Variants in ZNF670 observed in about 807,000 individuals in gnomAD.
ZNF670 encodes zinc finger protein 670.
In ZNF670, 7 loss-of-function variants were observed where a neutral mutation model predicts 10.9. The ratio of observed to expected loss-of-function variants is 0.64; its 90% CI spans 0.36 to 1.20. The LOEUF is 1.20. Ranked by LOEUF, ZNF670 falls within the 50% of genes most tolerant of loss-of-function variation. ZNF670 has a pLI of 0.02. For missense variants in ZNF670, 446 were observed against 458.6 expected, an observed-to-expected ratio of 0.97 and a Z score of 0.25; for synonymous variants, 136 against 152.7, an observed-to-expected ratio of 0.89 and a Z score of 0.81.
chr1:247,041,079 G>C (rs974701843), intron 1 of ZNF670, among the ~76,000 whole-genome samples: 6 of 152,154 alleles, frequency 3.9e-5, no homozygotes, highest in African/African-American at 1.4e-4. Context: ...ACATACAGTA[G>C]AGCAAATTGG....
At chr1:247,054,089 G>A (rs1670662119) in intron 1 of ZNF670, among the ~76,000 whole-genome samples, 1 of 152,208 alleles carries the variant, frequency 6.6e-6, no homozygotes, top group Admixed American at 6.5e-5. Context: ...ACACCAGGCA[G>A]AACTCAGCTA....
In ZNF670 at chr1:247,068,319, C is replaced by CAAAAAAAAAAAAAAAAAAAAAAAA. The variant is rs74163724; in HGVS notation, c.3+10274_3+10275insTTTTTTTTTTTTTTTTTTTTTTTT. 1.5e-3 allele frequency among the ~76,000 whole-genome samples: 83 copies of CAAAAAAAAAAAAAAAAAAAAAAAA among 55,190 alleles called. 1 individual carries two copies. Among genetic ancestry groups the CAAAAAAAAAAAAAAAAAAAAAAAA allele is most frequent in the African/African-American group, 4.5e-3 (44 of 9,678 alleles). 36.2% of individuals were successfully genotyped at this position (55,190 alleles called of 152,430 possible). A position where few individuals can be genotyped will look rare whatever the true frequency, so the allele number is the denominator to read the frequency against. ...AGGTGACAGAGTAAGATTCTGTCTC[C>CAAAAAAAAAAAAAAAAAAAAAAAA]AAAAAAAAAAAAAAAAAAGATGGGC... On this transcript the variant is annotated intron_variant, in intron 1 of 3. Coordinates refer to ENST00000366503, the MANE Select transcript of ZNF670 (RefSeq NM_033213.5).
At chr1:247,043,725 G>A (rs1572557577) in intron 1 of ZNF670, 10 of 443,086 alleles carry the variant, frequency 2.3e-5, no homozygotes, top group South Asian at 1.8e-4. Flanking sequence ...ATTTACCGCA[G>A]AGCCCTTTTA....
At chr1:247,071,169 G>A (rs1013070713) in intron 1 of ZNF670, among the ~76,000 whole-genome samples, 1 of 152,160 alleles carries the variant, frequency 6.6e-6, no homozygotes, top group Non-Finnish European at 1.5e-5. Flanking sequence ...ACACATGCAT[G>A]TGTATATTCA....
chr1:247,068,829 CAAAAAA>C lies in ZNF670; in HGVS notation c.3+9759_3+9764del, dbSNP rs35582452. Reference sequence around the variant, plus strand: ...TACACACACTGGGGTACTATTTTGCCAAAAAAAAAAAAAAAAAAAAGAATGAGATCC... The same window carrying C: ...TACACACACTGGGGTACTATTTTGCCAAAAAAAAAAAAAAGAATGAGATCC... On this transcript the variant is annotated intron_variant, in intron 1 of 3. Transcript: ENST00000366503. 1.5e-4 allele frequency among the ~76,000 whole-genome samples: 13 copies of C among 85,594 alleles called. 1 individual carries two copies. Among genetic ancestry groups the C allele is most frequent in the African/African-American group, 3.2e-4 (7 of 21,572 alleles). 56.2% of individuals were successfully genotyped at this position (85,594 alleles called of 152,430 possible).
rs1670188846 is a variant in ZNF670, at chr1:247,037,578, A to G, written c.1041T>C (p.Thr347=). 1 of 1,614,120 alleles carries G rather than the reference A, an allele frequency of 6.2e-7. No individual in the cohort carries two copies. Among genetic ancestry groups the G allele is most frequent in the African/African-American group, 1.3e-5 (1 of 75,044 alleles). ...YGCKECGKSF[T]SSSALRSHER... ...CATGGCTTCGAAGGGCACTGGAAGAAGTAAACGACTTACCACATTCCTTAC... is the reference window on the plus strand; with the variant it reads ...CATGGCTTCGAAGGGCACTGGAAGAGGTAAACGACTTACCACATTCCTTAC... The change falls in exon 4 of 4, where the codon ACT becomes ACC. Residue 347 remains threonine, a synonymous_variant. Transcript: ENST00000366503.
chr1:247,078,062 T>G (rs999996961), intron 1 of ZNF670, among the ~76,000 whole-genome samples: 2 of 152,228 alleles, frequency 1.3e-5, no homozygotes, highest in African/African-American at 2.4e-5. Flanking sequence ...ATGGGGTGAC[T>G]ACATAACTGT....
rs1424782073 is a variant in ZNF670 at position 247,037,502 on chromosome 1, C to A, written c.1117G>T (p.Ala373Ser). Residue 373 changes from alanine (A) to serine (S), a missense_variant, in exon 4 of 4, where the codon GCC (alanine) becomes TCC (serine). Coordinates refer to ENST00000366503, the MANE Select transcript of ZNF670 (RefSeq NM_033213.5). ...CGAAGGGAACTGGAACAACTGAAGG[C>A]TTTACCACATTTCTTACATTCATAG... is the stretch of plus-strand genomic sequence containing the variant. Reference protein sequence around the residue: ...KPYECKKCGKAFSCSSSLRKH... With the variant: ...KPYECKKCGKSFSCSSSLRKH... 3 of 1,614,028 alleles carry A rather than the reference C, an allele frequency of 1.9e-6. No individual in the cohort carries two copies. The South Asian group carries it at 3.3e-5, about 18-fold the overall frequency.
chr1:247,041,996 T>C (rs1206921945), intron 1 of ZNF670, among the ~76,000 whole-genome samples: 1 of 152,240 alleles, frequency 6.6e-6, no homozygotes, highest in East Asian at 1.9e-4. Flanking sequence ...CAGAAAACTC[T>C]TAATGACTGT....
At chr1:247,056,084 C>T (rs902644639) in intron 1 of ZNF670, among the ~76,000 whole-genome samples, 1 of 150,776 alleles carries the variant, frequency 6.6e-6, no homozygotes, top group African/African-American at 2.5e-5. Flanking sequence ...ACTTCAACAC[C>T]CTACTTTTAG....
At position 247,038,112 on chromosome 1, in the gene ZNF670, A is replaced by T. The variant is rs1458426385; in HGVS notation, c.507T>A (p.Tyr169Ter). 4.3e-6 allele frequency: 7 copies of T among 1,614,070 alleles called. No individual in the cohort carries two copies. The highest frequency in any genetic ancestry group is 5.1e-6 in the Non-Finnish European group (6 of 1,180,014). ...HMVTHTSNGP[Y>*]KGPVYEKPFD... ...AAGGCTTCTCATACACTGGACCCTT[A>T]TAAGGCCCATTACTAGTGTGTGTTA... The change falls in exon 4 of 4, where the codon TAT becomes TAA. Residue 169 changes from tyrosine to a stop codon, truncating the protein, a stop_gained. Coordinates refer to ENST00000366503, the MANE Select transcript of ZNF670 (RefSeq NM_033213.5). LOFTEE classifies it low-confidence loss of function (END_TRUNC).
rs905560394 is a variant in ZNF670 at position 247,038,103 on chromosome 1, T to C, written c.516A>G (p.Pro172=). The C allele has an allele frequency of 1.9e-6, 3 of 1,614,092 alleles. No homozygotes were observed. The highest frequency in any genetic ancestry group is 2.5e-6 in the Non-Finnish European group (3 of 1,180,028). ...THTSNGPYKG[P]VYEKPFDFPS... is the part of the protein sequence containing the mutation. ...GAAAATCAAAAGGCTTCTCATACACTGGACCCTTATAAGGCCCATTACTAG... is the reference window on the plus strand; with the variant it reads ...GAAAATCAAAAGGCTTCTCATACACCGGACCCTTATAAGGCCCATTACTAG... The change falls in exon 4 of 4, where the codon CCA becomes CCG. Residue 172 remains proline, a synonymous_variant. Coordinates refer to ENST00000366503, the MANE Select transcript of ZNF670 (RefSeq NM_033213.5).
chr1:247,039,352 C>A lies in ZNF670; in HGVS notation c.130+59G>T, dbSNP rs1193883761. On this transcript the variant is annotated intron_variant, in intron 2 of 3. Transcript: ENST00000366503. ...CTGGGATTACAGGTGTGAGCCACCA[C>A]GCCCAGCCAAAACACTTGCGTTGTA... 4.4e-6 allele frequency: 7 copies of A among 1,576,076 alleles called. No homozygotes were observed. In the East Asian group the frequency reaches 1.7e-4, roughly 38 times the overall value.
chr1:247,069,157 T>C (rs1270295838), intron 1 of ZNF670, among the ~76,000 whole-genome samples: 1 of 151,084 alleles, frequency 6.6e-6, no homozygotes, highest in Non-Finnish European at 1.5e-5. Flanking sequence ...GATAACTTAA[T>C]TGTACATTTT....
intron 1 of ZNF670, among the ~76,000 whole-genome samples, chr1:247,055,592 G>A (rs987939062): frequency 1.3e-5 from 2 of 152,162 alleles, no homozygotes; most frequent in African/African-American, 4.8e-5. Flanking sequence ...AACTTCCAGT[G>A]ATACTGCACA....
intron 1 of ZNF670, among the ~76,000 whole-genome samples, chr1:247,061,704 G>A (rs990560316): frequency 2.0e-5 from 3 of 152,066 alleles, no homozygotes; most frequent in African/African-American, 7.2e-5. Context: ...CTTTGTTAGT[G>A]AACTTAAGAA....
At position 247,039,391 on chromosome 1, in the gene ZNF670, A is replaced by G. The variant is rs756515851; in HGVS notation, c.130+20T>C. On this transcript the variant is annotated intron_variant, in intron 2 of 3. Transcript: ENST00000366503. ...ACTTGCGTTGTAATCAACTACGTGAATAAGTGTTGTTATTCTTACCTACAG... is the reference window on the plus strand; with the variant it reads ...ACTTGCGTTGTAATCAACTACGTGAGTAAGTGTTGTTATTCTTACCTACAG... 7 of 1,601,850 alleles carry G rather than the reference A, an allele frequency of 4.4e-6. No homozygotes were observed. Among genetic ancestry groups the G allele is most frequent in the East Asian group, 4.6e-5 (2 of 43,806 alleles).
At chr1:247,052,522 T>C (rs1670620492) in intron 1 of ZNF670, among the ~76,000 whole-genome samples, 2 of 152,170 alleles carry the variant, frequency 1.3e-5, no homozygotes, top group Non-Finnish European at 2.9e-5. Context: ...GTGAGGGTCC[T>C]TGCTTGTAGT....
chr1:247,037,489 G>A lies in ZNF670; in HGVS notation c.1130C>T (p.Ser377Phe), dbSNP rs759489596. The A allele has an allele frequency of 1.2e-6, 2 of 1,613,676 alleles. No homozygotes were observed. The highest frequency in any genetic ancestry group is 1.1e-5 in the South Asian group (1 of 91,004). Residue 377 changes from serine to phenylalanine, a missense_variant, in exon 4 of 4, where the codon TCC (serine) becomes TTC (phenylalanine). Coordinates refer to ENST00000366503, the MANE Select transcript of ZNF670 (RefSeq NM_033213.5). The stretch of plus-strand genomic sequence containing the variant: ...TCTTTCATGCTTTCGAAGGGAACTG[G>A]AACAACTGAAGGCTTTACCACATTT... Reference protein sequence around the residue: ...CKKCGKAFSCSSSLRKHERAY... With the variant: ...CKKCGKAFSCFSSLRKHERAY...
Sources: allele counts gnomAD v4.1 joint callset (sites outside exome capture counted in the v4.1 genomes callset), GRCh38; gene constraint gnomAD v4.1.1; transcripts MANE v1.5; gene names NCBI Gene and HGNC (gene_info 2026-07-23, HGNC 2026-07-21).